The following EPB41L3 variants were observed in gnomAD, a reference collection of about 807,000 sequenced individuals.
EPB41L3 encodes the protein erythrocyte membrane protein band 4.1 like 3.
Under a neutral mutation model 127.1 loss-of-function variants are expected in EPB41L3, and 57 were observed. The observed-to-expected ratio is 0.45, with a 90% confidence interval of 0.36 to 0.56. The LOEUF is 0.56. EPB41L3 is among the 20% of genes least tolerant of loss of function. The pLI is 0.00. For synonymous variants in EPB41L3, 572 were observed against 549.5 expected (o/e 1.04, Z -0.57); for missense variants, 1,273 against 1,372.2 (o/e 0.93, Z 1.14).
chr18:5,445,248 C>T lies in EPB41L3; in HGVS notation c.382-4G>A, dbSNP rs371088776. 5.4e-5 allele frequency: 87 copies of T among 1,609,664 alleles called. No homozygotes were observed. Among genetic ancestry groups the T allele is most frequent in the Non-Finnish European group, 6.9e-5 (81 of 1,176,602 alleles). ...GCACTTGTCCTCTGGAGCGTTTCTA[C>T]AGAAAACAGAATAGCAAAGCAAGTC... On this transcript the variant is annotated splice_region_variant and splice_polypyrimidine_tract_variant and intron_variant, in intron 3 of 22. Coordinates refer to ENST00000341928, the MANE Select transcript of EPB41L3 (RefSeq NM_012307.5).
chr18:5,435,049 CAA>C (rs1194834909), intron 6 of EPB41L3, among the ~76,000 whole-genome samples: 1 of 151,588 alleles, frequency 6.6e-6, no homozygotes, highest in Non-Finnish European at 1.5e-5. Flanking sequence ...AAGTTTTTAA[CAA>C]AAGAGTTTTA....
At chr18:5,400,014 AT>A (rs57206070) in intron 16 of EPB41L3, 28,202 of 153,038 alleles carry the variant, frequency 0.18, 5,341 homozygotes, top group African/African-American at 0.49. Context: ...CGAGTCTTAC[AT>A]TTTTTTTTTA....
chr18:5,506,038 C>T (rs1568448703), intron 1 of EPB41L3, among the ~76,000 whole-genome samples: 1 of 151,662 alleles, frequency 6.6e-6, no homozygotes, highest in South Asian at 2.1e-4. Context: ...CTGCCACACC[C>T]TCACCTCTGC....
At chr18:5,578,396 A>G (rs956769307) in intron 3 of EPB41L3, among the ~76,000 whole-genome samples, 1 of 152,224 alleles carries the variant, frequency 6.6e-6, no homozygotes, top group African/African-American at 2.4e-5. Context: ...TCTTTAATGC[A>G]TGATGCCTCT....
At chr18:5,482,962 C>T (rs1437540208) in intron 2 of EPB41L3, among the ~76,000 whole-genome samples, 2 of 152,088 alleles carry the variant, frequency 1.3e-5, no homozygotes, top group Non-Finnish European at 2.9e-5. Context: ...TGGATAAACC[C>T]AGAATACTCT....
intron 1 of EPB41L3, among the ~76,000 whole-genome samples, chr18:5,520,431 G>A (rs1394716370): frequency 6.6e-6 from 1 of 151,888 alleles, no homozygotes; most frequent in Non-Finnish European, 1.5e-5. Context: ...ATGTTACACA[G>A]AGTAACACTC....
At chr18:5,561,035 T>G (rs919998817) in intron 3 of EPB41L3, among the ~76,000 whole-genome samples, 5 of 139,180 alleles carry the variant, frequency 3.6e-5, no homozygotes, top group South Asian at 2.3e-4. Flanking sequence ...TGGAGTGCAG[T>G]GGCGCGATCG....
At chr18:5,418,555 C>T (rs1485383431) in intron 12 of EPB41L3, among the ~76,000 whole-genome samples, 1 of 152,100 alleles carries the variant, frequency 6.6e-6, no homozygotes, top group Admixed American at 6.5e-5. Context: ...ACTGAACAGA[C>T]AGGAAGAGTG....
intron 1 of EPB41L3, among the ~76,000 whole-genome samples, chr18:5,506,101 C>T (rs1334977353): frequency 6.6e-6 from 1 of 152,062 alleles, no homozygotes; most frequent in African/African-American, 2.4e-5. Flanking sequence ...GCCTTCTCCT[C>T]GCCTACCACC....
At chr18:5,605,450 C>T (rs992412075) in intron 3 of EPB41L3, among the ~76,000 whole-genome samples, 7 of 152,050 alleles carry the variant, frequency 4.6e-5, no homozygotes, top group Non-Finnish European at 8.8e-5. Flanking sequence ...GCACTCATGG[C>T]TCACTGCAGC....
chr18:5,395,262 T>G (rs909318269), intron 20 of EPB41L3, 115 bp from the exon 21 acceptor site: 1 of 902,064 alleles, frequency 1.1e-6, no homozygotes, highest in African/African-American at 1.6e-5. Context: ...GAATTGAAAT[T>G]AGAGTTCTAT....
At chr18:5,517,814 C>T (rs960559504) in intron 1 of EPB41L3, among the ~76,000 whole-genome samples, 1 of 152,062 alleles carries the variant, frequency 6.6e-6, no homozygotes, top group Non-Finnish European at 1.5e-5. Context: ...CCTCCCTCCC[C>T]GCCACCACCA....
At chr18:5,425,010 T>C (rs1460605234) in intron 9 of EPB41L3, among the ~76,000 whole-genome samples, 1 of 152,156 alleles carries the variant, frequency 6.6e-6, no homozygotes, top group Non-Finnish European at 1.5e-5. Context: ...AGCCATTTGA[T>C]TTTTCGAGGT....
At chr18:5,602,649 T>C (rs2094604367) in intron 3 of EPB41L3, among the ~76,000 whole-genome samples, 1 of 152,204 alleles carries the variant, frequency 6.6e-6, no homozygotes, top group Admixed American at 6.5e-5. Flanking sequence ...TTTCACTTTG[T>C]TGCCTAGGCA....
rs767679128 is a variant in EPB41L3, at chr18:5,424,251, T to C, written c.1163+11A>G. On this transcript the variant is annotated intron_variant, in intron 10 of 22. Coordinates refer to ENST00000341928, the MANE Select transcript of EPB41L3 (RefSeq NM_012307.5). ...ATTCCTTAGGGAAAAAACAAAATAA[T>C]CTCTTCCTACCTGAAAAATGTATGA... 1.9e-6 allele frequency: 3 copies of C among 1,543,338 alleles called. No homozygotes were observed. Among genetic ancestry groups the C allele is most frequent in the Non-Finnish European group, 1.7e-6 (2 of 1,146,780 alleles).
intron 3 of EPB41L3, among the ~76,000 whole-genome samples, chr18:5,564,779 C>T (rs2094176763): frequency 6.6e-6 from 1 of 152,110 alleles, no homozygotes; most frequent in Admixed American, 6.5e-5. Context: ...TACTGGACTC[C>T]CTGCCACCAA....
In EPB41L3 at chr18:5,394,738, G is replaced by T; in HGVS notation, c.3209C>A (p.Thr1070Asn). The part of the protein sequence containing the change: ...AKEQHPDMSV[T>N]KVVVHKETEI... ...TGTCTCTTTATGGACCACTACTTTGGTCACTGACATGTCAGGGTGCTGCTC... is the reference window on the plus strand; with the variant it reads ...TGTCTCTTTATGGACCACTACTTTGTTCACTGACATGTCAGGGTGCTGCTC... The change falls in exon 22 of 23, where the codon ACC becomes AAC. Residue 1070 changes from threonine to asparagine, a missense_variant. By Grantham distance (65) the Thr-to-Asn change is moderately conservative. This residue lies in a region of EPB41L3 where 765 missense variants were observed against 782.9 expected (regional missense o/e 0.98). Coordinates refer to ENST00000341928, the MANE Select transcript of EPB41L3 (RefSeq NM_012307.5). The T allele has an allele frequency of 6.2e-7, 1 of 1,614,094 alleles. No individual in the cohort carries two copies. The highest frequency in any genetic ancestry group is 1.1e-5 in the South Asian group (1 of 91,082).
rs113216256 is a variant in EPB41L3, at chr18:5,494,396, G to A, written c.-11-5202C>T. On this transcript the variant is annotated intron_variant, in intron 1 of 22. Coordinates refer to ENST00000341928, the MANE Select transcript of EPB41L3 (RefSeq NM_012307.5). ...GAAGAGGCTGGGTGCAGTGGCTCAC[G>A]CCTGTAATCCCAACACTTTGGAAGG... Among the ~76,000 whole-genome samples, 1,435 of 152,298 alleles carry A rather than the reference G, an allele frequency of 9.4e-3. 20 individuals are homozygous for A. Among genetic ancestry groups the A allele is most frequent in the African/African-American group, 0.033 (1,358 of 41,562 alleles).
chr18:5,412,505 G>A (rs1329299256), intron 13 of EPB41L3, among the ~76,000 whole-genome samples: 2 of 152,068 alleles, frequency 1.3e-5, no homozygotes, highest in Non-Finnish European at 2.9e-5. Context: ...GGATTACAGG[G>A]GTAAGCCACC....
Sources: allele counts gnomAD v4.1 joint callset (sites outside exome capture counted in the v4.1 genomes callset), GRCh38; gene constraint gnomAD v4.1.1; regional missense constraint gnomAD v4.1.1; transcripts MANE v1.5; gene names NCBI Gene and HGNC (gene_info 2026-07-23, HGNC 2026-07-21).